DOCK8: variants seen among roughly 807,000 people sequenced by gnomAD.
DOCK8 encodes the protein dedicator of cytokinesis 8.
A neutral mutation model predicts 245.6 loss-of-function variants in DOCK8; 141 were observed. That is an observed-to-expected ratio of 0.57 (90% CI 0.50 to 0.66). The LOEUF is 0.66. DOCK8 is among the 30% of genes least tolerant of loss of function. DOCK8 has a pLI of 0.00. For missense variants in DOCK8, 2,965 were observed against 2,603.4 expected, an observed-to-expected ratio of 1.14 and a Z score of -3.02; for synonymous variants, 1,168 against 970.2, an observed-to-expected ratio of 1.20 and a Z score of -3.79.
intron 26 of DOCK8, among the ~76,000 whole-genome samples, chr9:403,235 C>T (rs573842526): frequency 6.6e-6 from 1 of 152,304 alleles, no homozygotes; most frequent in Admixed American, 6.5e-5. Context: ...ATGAAAGATA[C>T]CCATAGTGGG....
rs1309873774 is a variant in DOCK8, at chr9:400,948, C to CT, written c.3234+1689_3234+1690insT. Among the ~76,000 whole-genome samples, 137 of 69,624 alleles carry CT rather than the reference C, an allele frequency of 2.0e-3. 52 individuals carry two copies. In the African/African-American group the frequency reaches 0.044, roughly 23 times the overall value. The allele number at this position is 69,624 out of a possible 152,430, so 45.7% of individuals were successfully genotyped here. ...TCACCACAACATCCACCACCACCAT[C>CT]ACCACCACCACCACCACCTCCTCCA... On this transcript the variant is annotated intron_variant, in intron 26 of 47. Coordinates refer to ENST00000432829, the MANE Select transcript of DOCK8 (RefSeq NM_203447.4).
At position 400,954 on chromosome 9, in the gene DOCK8, C is replaced by T. The variant is rs1564016737; in HGVS notation, c.3234+1695C>T. Among the ~76,000 whole-genome samples, 164 of 138,878 alleles carry T rather than the reference C, an allele frequency of 1.2e-3. 65 individuals are homozygous for T. The highest frequency in any genetic ancestry group is 7.5e-3 in the Middle Eastern group (2 of 266). 91.1% of individuals were successfully genotyped at this position (138,878 alleles called of 152,430 possible). Reference sequence around the variant, plus strand: ...CAACATCCACCACCACCATCACCACCACCACCACCACCTCCTCCACCATCA... The same window carrying T: ...CAACATCCACCACCACCATCACCACTACCACCACCACCTCCTCCACCATCA... On this transcript the variant is annotated intron_variant, in intron 26 of 47. Coordinates refer to ENST00000432829, the MANE Select transcript of DOCK8 (RefSeq NM_203447.4).
Position 340,620 on chromosome 9 carries a change from CA to C in DOCK8, c.1679+309del, listed in dbSNP as rs370980165. The C allele has an allele frequency of 0.017, 3,065 of 180,330 alleles. 75 individuals are homozygous for C. The highest frequency in any genetic ancestry group is 0.064 in the African/African-American group (2,643 of 41,258). 11.2% of individuals were successfully genotyped at this position (180,330 alleles called of 1,614,324 possible). A position where few individuals can be genotyped will look rare whatever the true frequency, so the allele number is the denominator to read the frequency against. ...TGGGAGACAGAACCAGACTCTGTCT[CA>C]AAAAAAAAAGAAAAAAAGAAAAGCA... On this transcript the variant is annotated intron_variant, in intron 14 of 47. Coordinates refer to ENST00000432829, the MANE Select transcript of DOCK8 (RefSeq NM_203447.4).
At chr9:418,663 C>T (rs1586974830) in intron 30 of DOCK8, among the ~76,000 whole-genome samples, 1 of 152,288 alleles carries the variant, frequency 6.6e-6, no homozygotes, top group South Asian at 2.1e-4. Context: ...AGGCTGGCAG[C>T]TGAGGTGCAC....
chr9:382,384 G>T, intron 21 of DOCK8, 129 bp from the exon 22 acceptor site: 1 of 1,298,432 alleles, frequency 7.7e-7, no homozygotes, highest in Non-Finnish European at 1.1e-6. Flanking sequence ...GATTTGTTAA[G>T]AAGTCTCTAA....
At chr9:364,310 A>G (rs966888398) in intron 14 of DOCK8, among the ~76,000 whole-genome samples, 20 of 152,226 alleles carry the variant, frequency 1.3e-4, no homozygotes, top group Non-Finnish European at 2.9e-5. Flanking sequence ...ATAAAAAAAG[A>G]TAAAGCTTTG....
chr9:376,168 G>A (rs756740511), intron 18 of DOCK8, 42 bp from the exon 19 acceptor site: 3 of 1,394,406 alleles, frequency 2.2e-6, no homozygotes, highest in Non-Finnish European at 3.1e-6. Context: ...AATCAGAAAA[G>A]GGAATTGGAT....
upstream of DOCK8, among the ~76,000 whole-genome samples, chr9:212,354 T>C (rs1029244062): frequency 1.3e-5 from 2 of 152,032 alleles, no homozygotes; most frequent in Non-Finnish European, 2.9e-5. Context: ...GGAAGAGTTG[T>C]ATAAAGGTGA....
chr9:452,165 A>G (rs1460009198), intron 46 of DOCK8, 48 bp downstream of exon 46: 1 of 1,280,042 alleles, frequency 7.8e-7, no homozygotes, highest in South Asian at 1.2e-5. Flanking sequence ...TGGTTCTCAA[A>G]GTGCAATCTT....
chr9:412,858 C>T lies in DOCK8; in HGVS notation c.3531-1924C>T, dbSNP rs777292017. Among the ~76,000 whole-genome samples the T allele has an allele frequency of 3.4e-5, 5 of 146,912 alleles. No individual in the cohort carries two copies. In the Admixed American group the frequency reaches 3.4e-4, roughly 10 times the overall value. On this transcript the variant is annotated intron_variant, in intron 28 of 47. Coordinates refer to ENST00000432829, the MANE Select transcript of DOCK8 (RefSeq NM_203447.4). ...GATCCATAGATTAAATGCAGTTCTT[C>T]TCAGAATTCTAGCTTGCTTTTTTTT...
intron 1 of DOCK8, among the ~76,000 whole-genome samples, chr9:241,061 A>T (rs1167816882): frequency 1.3e-5 from 2 of 152,326 alleles, no homozygotes; most frequent in South Asian, 2.1e-4. Flanking sequence ...CTCCCTTGAT[A>T]TTACAAAACT....
At chr9:256,450 T>C (rs917052689) in intron 1 of DOCK8, among the ~76,000 whole-genome samples, 2 of 152,242 alleles carry the variant, frequency 1.3e-5, no homozygotes, top group African/African-American at 2.4e-5. Flanking sequence ...ATGAGGGTAG[T>C]ACTTATCCCA....
intron 28 of DOCK8, among the ~76,000 whole-genome samples, chr9:408,878 ACACACACACG>A (rs1362226038): frequency 1.3e-4 from 13 of 97,864 alleles, no homozygotes; most frequent in Middle Eastern, 4.2e-3. Context: ...ACACACACAC[ACACACACACG>A]CACACACGCG....
chr9:438,195 C>G (rs10974439), intron 39 of DOCK8, among the ~76,000 whole-genome samples: 1 of 152,116 alleles, frequency 6.6e-6, no homozygotes, highest in East Asian at 1.9e-4. Context: ...CATGATCTTG[C>G]TAACCAGGCC....
chr9:381,918 C>T (rs780272443), intron 21 of DOCK8, among the ~76,000 whole-genome samples: 2 of 151,626 alleles, frequency 1.3e-5, no homozygotes, highest in Non-Finnish European at 2.9e-5. Context: ...TGAGATCATG[C>T]CACTGCACTC....
intron 19 of DOCK8, 21 bp from the exon 20 acceptor site, chr9:376,956 G>A (rs1489825304): frequency 2.5e-6 from 4 of 1,606,534 alleles, no homozygotes; most frequent in East Asian, 2.2e-5. Flanking sequence ...ACCCCATGAG[G>A]CCTGCCTTCT....
At chr9:242,863 A>T (rs28450861) in intron 1 of DOCK8, among the ~76,000 whole-genome samples, 12,808 of 151,668 alleles carry the variant, frequency 0.084, 574 homozygotes, top group South Asian at 0.12. Context: ...CTCAGATGAG[A>T]CAGAGGATTT....
chr9:405,431 C>G (rs912320772), intron 27 of DOCK8, among the ~76,000 whole-genome samples: 1 of 152,130 alleles, frequency 6.6e-6, no homozygotes, highest in Admixed American at 6.5e-5. Flanking sequence ...GTTTTGGAAA[C>G]CATGTATTCA....
intron 24 of DOCK8, among the ~76,000 whole-genome samples, chr9:394,430 T>G (rs1294409945): frequency 1.3e-5 from 2 of 152,220 alleles, no homozygotes; most frequent in Admixed American, 1.3e-4. Context: ...AAAACAGTTT[T>G]GTTTTGTTTT....
Sources: gnomAD v4.1 joint callset for allele counts (sites outside exome capture counted in the v4.1 genomes callset) on GRCh38, gnomAD v4.1.1 for gene constraint, MANE v1.5 for transcripts, NCBI Gene and HGNC (gene_info 2026-07-23, HGNC 2026-07-21) for gene names.